Variants in SPOCK1 observed in about 807,000 individuals in gnomAD.
The protein encoded by SPOCK1 is SPARC (osteonectin), cwcv and kazal like domains proteoglycan 1, also known as testican-1.
A neutral mutation model predicts 55.3 loss-of-function variants in SPOCK1; 23 were observed. The ratio of observed to expected loss-of-function variants is 0.42; its 90% CI spans 0.30 to 0.59. The LOEUF is 0.59. SPOCK1 is among the 20% of genes least tolerant of loss of function. The pLI is 0.22. For missense variants in SPOCK1, 499 were observed against 552.5 expected (o/e 0.90, Z 0.97); for synonymous variants, 226 against 221.0 (o/e 1.02, Z -0.20).
chr5:137,414,389 T>C (rs1752285439), intron 2 of SPOCK1, among the ~76,000 whole-genome samples: 2 of 152,222 alleles, frequency 1.3e-5, no homozygotes, highest in Admixed American at 1.3e-4. Flanking sequence ...CAACATGTGC[T>C]GCAGGGAAAA....
chr5:137,084,384 C>T (rs1348781812), intron 5 of SPOCK1, among the ~76,000 whole-genome samples: 3 of 151,980 alleles, frequency 2.0e-5, no homozygotes, highest in Non-Finnish European at 2.9e-5. Flanking sequence ...CCTATAACTT[C>T]CCATTCAACC....
chr5:137,463,478 A>G (rs1048541661), intron 2 of SPOCK1, among the ~76,000 whole-genome samples: 1 of 135,086 alleles, frequency 7.4e-6, no homozygotes, highest in Non-Finnish European at 1.6e-5. Context: ...CATTGAACTA[A>G]TGGAGATAGA....
intron 2 of SPOCK1, among the ~76,000 whole-genome samples, chr5:137,295,249 T>C (rs1757456581): frequency 6.6e-6 from 1 of 152,226 alleles, no homozygotes. Flanking sequence ...TACAATAAAC[T>C]ATGTCCCCTG....
intron 5 of SPOCK1, among the ~76,000 whole-genome samples, chr5:137,101,981 C>A (rs1323546727): frequency 6.6e-6 from 1 of 152,196 alleles, no homozygotes; most frequent in East Asian, 1.9e-4. Context: ...CCCATCATTC[C>A]TAGAAACACA....
At chr5:137,142,081 C>A (rs546478448) in intron 3 of SPOCK1, among the ~76,000 whole-genome samples, 65 of 152,326 alleles carry the variant, frequency 4.3e-4, no homozygotes, top group African/African-American at 1.5e-3. Context: ...AGCAGTAAAT[C>A]TTTCATAACT....
intron 6 of SPOCK1, among the ~76,000 whole-genome samples, chr5:137,060,930 A>G (rs1752384436): frequency 6.6e-6 from 1 of 152,258 alleles, no homozygotes; most frequent in South Asian, 2.1e-4. Flanking sequence ...AGTCCTGACA[A>G]ATGAATTTTT....
intron 2 of SPOCK1, among the ~76,000 whole-genome samples, chr5:137,324,168 G>C (rs1476563933): frequency 6.6e-6 from 1 of 152,154 alleles, no homozygotes; most frequent in East Asian, 1.9e-4. Context: ...ATTTTGGCCA[G>C]GCACAGTGGC....
chr5:136,984,820 G>C (rs906842531), intron 9 of SPOCK1, among the ~76,000 whole-genome samples: 3 of 152,196 alleles, frequency 2.0e-5, no homozygotes, highest in Admixed American at 1.3e-4. Context: ...GAGCACTTGA[G>C]AGCACCATTC....
chr5:137,022,475 C>A (rs552263130), intron 6 of SPOCK1, among the ~76,000 whole-genome samples: 1 of 152,216 alleles, frequency 6.6e-6, no homozygotes. Context: ...TCACCAAGAT[C>A]GGGGCAGTTT....
chr5:137,313,511 C>A, intron 2 of SPOCK1: 1 of 985,280 alleles, frequency 1.0e-6, no homozygotes, highest in Non-Finnish European at 1.2e-6. Context: ...ACACCAGCAG[C>A]CTCAGAAGGG....
At chr5:137,465,496 G>T (rs192969174) in intron 2 of SPOCK1, among the ~76,000 whole-genome samples, 23 of 151,972 alleles carry the variant, frequency 1.5e-4, no homozygotes, top group Non-Finnish European at 2.8e-4. Context: ...GCCTCAACTT[G>T]ATTCTTGTTT....
In SPOCK1 at chr5:137,180,034, GA is replaced by G. The variant is rs1214838574; in HGVS notation, c.233-39341del. 2.6e-5 allele frequency among the ~76,000 whole-genome samples: 4 copies of G among 152,244 alleles called. No homozygotes were observed. In the East Asian group the frequency reaches 7.8e-4, roughly 30 times the overall value. On this transcript the variant is annotated intron_variant, in intron 3 of 10. Transcript: ENST00000394945. ...ACTGCTAGCATCTCAACCTTATAGT[GA>G]AAAGACTCAGAAAGGTTAAGCCACT...
At chr5:137,119,589 C>T (rs1753650414) in intron 4 of SPOCK1, among the ~76,000 whole-genome samples, 1 of 152,168 alleles carries the variant, frequency 6.6e-6, no homozygotes, top group African/African-American at 2.4e-5. Flanking sequence ...AAGAAGATCC[C>T]AGACGTGAAA....
intron 6 of SPOCK1, among the ~76,000 whole-genome samples, chr5:137,016,198 A>G (rs528497257): frequency 6.6e-6 from 1 of 152,300 alleles, no homozygotes; most frequent in South Asian, 2.1e-4. Context: ...CTTTACAAAC[A>G]TGAACATCCC....
chr5:137,354,664 CCGG>C (rs1042548564), intron 2 of SPOCK1, among the ~76,000 whole-genome samples: 3 of 152,138 alleles, frequency 2.0e-5, no homozygotes, highest in African/African-American at 7.2e-5. Flanking sequence ...GAGCAAGGGC[CCGG>C]CCATCAACTG....
intron 2 of SPOCK1, among the ~76,000 whole-genome samples, chr5:137,463,107 T>G (rs557967100): frequency 1.3e-5 from 2 of 152,112 alleles, no homozygotes; most frequent in Admixed American, 6.5e-5. Context: ...AGATTTAGGT[T>G]TCAGAAATAT....
At chr5:137,457,696 A>G (rs1408554429) in intron 2 of SPOCK1, among the ~76,000 whole-genome samples, 1 of 152,202 alleles carries the variant, frequency 6.6e-6, no homozygotes, top group East Asian at 1.9e-4. Flanking sequence ...AGCGTGAAAG[A>G]CATTGGAGAT....
intron 2 of SPOCK1, among the ~76,000 whole-genome samples, chr5:137,491,690 C>G (rs572828339): frequency 6.6e-6 from 1 of 152,312 alleles, no homozygotes; most frequent in South Asian, 2.1e-4. Context: ...TTCCACCTCT[C>G]AGAGACTATA....
intron 5 of SPOCK1, among the ~76,000 whole-genome samples, chr5:137,076,675 C>G (rs1168286431): frequency 3.4e-5 from 5 of 149,156 alleles, no homozygotes; most frequent in Admixed American, 1.3e-4. Context: ...AAATTCATAT[C>G]TCCTTTGCAC....
Sources: allele counts gnomAD v4.1 joint callset (sites outside exome capture counted in the v4.1 genomes callset), GRCh38; gene constraint gnomAD v4.1.1; transcripts MANE v1.5; gene names NCBI Gene and HGNC (gene_info 2026-07-23, HGNC 2026-07-21).